The following ADRA1B variants were observed in gnomAD, a reference collection of about 807,000 sequenced individuals.
The protein encoded by ADRA1B is adrenoceptor alpha 1B, also known as alpha-1B adrenergic receptor.
Under a neutral mutation model 17.9 loss-of-function variants are expected in ADRA1B, and 17 were observed. The observed-to-expected ratio is 0.95, with a 90% confidence interval of 0.65 to 1.42. ADRA1B has a LOEUF of 1.42. Among genes scored for constraint, ADRA1B ranks in the 40% most tolerant of loss-of-function variants. The pLI, the probability that ADRA1B is intolerant of heterozygous loss-of-function variation, is 0.00. For synonymous variants in ADRA1B, 366 were observed against 327.6 expected (o/e 1.12, Z -1.27); for missense variants, 681 against 722.1 (o/e 0.94, Z 0.65).
intron 1 of ADRA1B, among the ~76,000 whole-genome samples, chr5:159,970,622 G>A (rs1003738217): frequency 6.6e-6 from 1 of 152,146 alleles, no homozygotes; most frequent in East Asian, 1.9e-4. Flanking sequence ...GTCACAAGGT[G>A]TATGTATACT....
At chr5:159,984,624 G>A in the ADRA1B span, among the ~76,000 whole-genome samples, 90 of 152,122 alleles carry the variant, frequency 5.9e-4, 2 homozygotes, top group Non-Finnish European at 6.8e-4. Flanking sequence ...GAGGCCGGAC[G>A]TGGTAGCTCA....
At chr5:159,871,168 T>C (rs552689342) in intron 1 of ADRA1B, 1 of 152,328 alleles carries the variant, frequency 6.6e-6, no homozygotes, top group South Asian at 2.1e-4. Flanking sequence ...CTCAGTCTAT[T>C]CATGTTATTT....
the ADRA1B span, among the ~76,000 whole-genome samples, chr5:159,983,695 C>T: frequency 1.3e-5 from 2 of 152,160 alleles, no homozygotes; most frequent in East Asian, 3.9e-4. Context: ...AAATGGCATG[C>T]ATGGGTCACA....
At chr5:159,879,658 T>A (rs574584681) in intron 1 of ADRA1B, among the ~76,000 whole-genome samples, 2 of 152,212 alleles carry the variant, frequency 1.3e-5, no homozygotes, top group African/African-American at 4.8e-5. Flanking sequence ...TGCGTGTGTG[T>A]GGGTACATGT....
At position 159,942,671 on chromosome 5, in the gene ADRA1B, G is replaced by GT. The variant is rs1755167294; in HGVS notation, c.949+24819dup. 3.9e-5 allele frequency among the ~76,000 whole-genome samples: 6 copies of GT among 152,220 alleles called. No homozygotes were observed. In the South Asian group the frequency reaches 1.2e-3, roughly 32 times the overall value. On this transcript the variant is annotated intron_variant, in intron 1 of 1. Transcript: ENST00000306675. ...TACAAACACACAAAAAAGACAAATT[G>GT]TTGGGGGGAGAAACAAGTTTCAGAG... is the stretch of plus-strand genomic sequence containing the variant.
At chr5:159,973,098 C>T (rs1292146907), downstream of ADRA1B, among the ~76,000 whole-genome samples, 2 of 152,214 alleles carry the variant, frequency 1.3e-5, no homozygotes, top group East Asian at 3.9e-4. Flanking sequence ...GGTCCTAGGT[C>T]TTAGGGTCCT....
intron 1 of ADRA1B, among the ~76,000 whole-genome samples, chr5:159,935,927 GT>G (rs1193949773): frequency 2.0e-5 from 3 of 152,200 alleles, no homozygotes; most frequent in Non-Finnish European, 2.9e-5. Flanking sequence ...TCAGTCCTGG[GT>G]TCAAACTCCA....
intron 1 of ADRA1B, among the ~76,000 whole-genome samples, chr5:159,906,962 G>A (rs1328329357): frequency 6.6e-6 from 1 of 152,130 alleles, no homozygotes; most frequent in Non-Finnish European, 1.5e-5. Flanking sequence ...AGAGGACCTG[G>A]AAGATGGAGG....
intron 1 of ADRA1B, among the ~76,000 whole-genome samples, chr5:159,911,447 C>G (rs1237599009): frequency 6.6e-6 from 1 of 152,216 alleles, no homozygotes; most frequent in African/African-American, 2.4e-5. Flanking sequence ...CCCCAGCTCC[C>G]AGGCTCTCCC....
At chr5:159,898,403 G>T (rs992548659) in intron 1 of ADRA1B, among the ~76,000 whole-genome samples, 9 of 152,144 alleles carry the variant, frequency 5.9e-5, no homozygotes, top group Non-Finnish European at 1.2e-4. Context: ...CCCAGAAGTG[G>T]GGTGTGTGTG....
At chr5:159,889,506 T>G (rs1270857754) in intron 1 of ADRA1B, among the ~76,000 whole-genome samples, 1 of 152,176 alleles carries the variant, frequency 6.6e-6, no homozygotes, top group Non-Finnish European at 1.5e-5. Context: ...CAGTTTCCCT[T>G]GTAGCTAGGA....
At chr5:159,877,860 A>T (rs1031985884) in intron 1 of ADRA1B, among the ~76,000 whole-genome samples, 1 of 152,168 alleles carries the variant, frequency 6.6e-6, no homozygotes, top group Non-Finnish European at 1.5e-5. Flanking sequence ...AATAACTACT[A>T]CTTTATTCTC....
At chr5:159,938,569 T>G (rs1441789981) in intron 1 of ADRA1B, among the ~76,000 whole-genome samples, 1 of 152,030 alleles carries the variant, frequency 6.6e-6, no homozygotes, top group Non-Finnish European at 1.5e-5. Context: ...AGAGGAAAAA[T>G]GAACTACAGG....
chr5:159,869,622 T>A (rs1245971645), intron 1 of ADRA1B: 1 of 152,236 alleles, frequency 6.6e-6, no homozygotes, highest in African/African-American at 2.4e-5. Flanking sequence ...ACAGTAATAT[T>A]GATCATGATT....
At chr5:159,936,278 G>A (rs1192412676) in intron 1 of ADRA1B, among the ~76,000 whole-genome samples, 2 of 152,196 alleles carry the variant, frequency 1.3e-5, no homozygotes, top group African/African-American at 4.8e-5. Flanking sequence ...TTGAAGTGGA[G>A]AAAACCTGAC....
At chr5:159,933,254 A>G (rs557414681) in intron 1 of ADRA1B, among the ~76,000 whole-genome samples, 1 of 152,324 alleles carries the variant, frequency 6.6e-6, no homozygotes, top group Non-Finnish European at 1.5e-5. Context: ...GCTGTGATAA[A>G]TACTCTGTTA....
intron 1 of ADRA1B, among the ~76,000 whole-genome samples, chr5:159,931,038 T>C (rs1201785633): frequency 6.8e-6 from 1 of 147,314 alleles, no homozygotes; most frequent in Non-Finnish European, 1.5e-5. Flanking sequence ...ATATATATAT[T>C]ATATATATTT....
At position 159,962,907 on chromosome 5, in the gene ADRA1B, C is replaced by A. The variant is rs374556868; in HGVS notation, c.950-8972C>A. 3.4e-3 allele frequency among the ~76,000 whole-genome samples: 187 copies of A among 54,348 alleles called. 2 individuals carry two copies. The highest frequency in any genetic ancestry group is 0.013 in the African/African-American group (183 of 13,826). The allele number at this position is 54,348 out of a possible 152,430, so 35.7% of individuals were successfully genotyped here. On this transcript the variant is annotated intron_variant, in intron 1 of 1. Coordinates refer to ENST00000306675, the MANE Select transcript of ADRA1B (RefSeq NM_000679.4). ...TTTAGCTTTTATTTCTTTTTCTTTT[C>A]TTTCTTTCTTTCTTTTTCTTTTCTT...
chr5:159,884,783 C>T (rs2113094230), intron 1 of ADRA1B, among the ~76,000 whole-genome samples: 1 of 152,296 alleles, frequency 6.6e-6, no homozygotes, highest in Admixed American at 6.5e-5. Flanking sequence ...AGATCTACCA[C>T]CCTGCAATGC....
Sources: gnomAD v4.1 joint callset for allele counts (sites outside exome capture counted in the v4.1 genomes callset) on GRCh38, gnomAD v4.1.1 for gene constraint, MANE v1.5 for transcripts, NCBI Gene and HGNC (gene_info 2026-07-23, HGNC 2026-07-21) for gene names.